The following SYTL3 variants were observed in gnomAD, a reference collection of about 807,000 sequenced individuals.
The protein encoded by SYTL3 is synaptotagmin like 3.
Under a neutral mutation model 82.1 loss-of-function variants are expected in SYTL3, and 88 were observed. That is an observed-to-expected ratio of 1.07 (90% CI 0.90 to 1.28). The LOEUF is 1.28. Ranked by LOEUF, SYTL3 falls within the 50% of genes most tolerant of loss-of-function variation. The pLI is 0.00. For missense variants in SYTL3, 831 were observed against 757.6 expected (o/e 1.10, Z -1.14); for synonymous variants, 311 against 289.4 (o/e 1.07, Z -0.76).
chr6:158,652,666 C>A lies in SYTL3; in HGVS notation c.-637+824C>A, dbSNP rs535935461. Among the ~76,000 whole-genome samples, 5 of 152,164 alleles carry A rather than the reference C, an allele frequency of 3.3e-5. 1 individual carries two copies. The highest frequency in any genetic ancestry group is 2.0e-4 in the Admixed American group (3 of 15,268). On this transcript the variant is annotated intron_variant, in intron 2 of 17. Transcript: ENST00000611299. The stretch of plus-strand genomic sequence containing the variant: ...TTCAAACAATTCTGTCTCAGCTTCC[C>A]GAGTAGCTGGGATTACAGGTGCCCA...
rs1171587468 is a variant in SYTL3, at chr6:158,764,625, A to C, written c.*21A>C. ...ACTGACATGAAGGCCTCAAGGTTCC[A>C]GGTTGCAGCAGGCGTGAGGCACTGT... On this transcript the variant is annotated 3_prime_UTR_variant, in exon 18 of 18. Coordinates refer to ENST00000611299, the MANE Select transcript of SYTL3 (RefSeq NM_001242394.2). 11 of 1,569,696 alleles carry C rather than the reference A, an allele frequency of 7.0e-6. No individual in the cohort carries two copies. The highest frequency in any genetic ancestry group is 9.7e-6 in the Non-Finnish European group (11 of 1,139,618).
At chr6:158,737,217 C>G (rs964276759) in intron 11 of SYTL3, among the ~76,000 whole-genome samples, 1 of 152,048 alleles carries the variant, frequency 6.6e-6, no homozygotes, top group Non-Finnish European at 1.5e-5. Context: ...GAAATAGATC[C>G]CCATTTTACA....
At chr6:158,748,536 AACCTCC>A (rs1375263828) in intron 12 of SYTL3, among the ~76,000 whole-genome samples, 1 of 152,192 alleles carries the variant, frequency 6.6e-6, no homozygotes, top group Non-Finnish European at 1.5e-5. Context: ...GAATTATTTA[AACCTCC>A]ACCTTAAAAT....
In SYTL3 at chr6:158,691,793, G is replaced by A. The variant is rs375280240; in HGVS notation, c.394+8804G>A. ...CAGCCTCCTGAGTAGCTGGGACTAC[G>A]GGCACCTGTCACCACGCCTGGCTAA... On this transcript the variant is annotated intron_variant, in intron 6 of 17. Coordinates refer to ENST00000611299, the MANE Select transcript of SYTL3 (RefSeq NM_001242394.2). Among the ~76,000 whole-genome samples the A allele has an allele frequency of 1.5e-4, 22 of 150,458 alleles. No individual in the cohort carries two copies. The South Asian group carries it at 1.7e-3, about 12-fold the overall frequency.
At chr6:158,749,507 CTTTTTTTTTTT>C (rs765386344) in intron 12 of SYTL3, among the ~76,000 whole-genome samples, 5 of 66,024 alleles carry the variant, frequency 7.6e-5, no homozygotes, top group East Asian at 6.9e-4. Flanking sequence ...TTCTTTCTCT[CTTTTTTTTTTT>C]TTTTTTTTTT....
intron 11 of SYTL3, among the ~76,000 whole-genome samples, chr6:158,736,072 G>A (rs1786109723): frequency 6.6e-6 from 1 of 152,200 alleles, no homozygotes; most frequent in South Asian, 2.1e-4. Context: ...GTCAACAACG[G>A]CCGGGCGCGG....
chr6:158,761,099 T>G (rs960456230), intron 15 of SYTL3, among the ~76,000 whole-genome samples: 1 of 152,044 alleles, frequency 6.6e-6, no homozygotes, highest in East Asian at 1.9e-4. Context: ...CCAAGAGCAC[T>G]GGTACCTGCA....
At chr6:158,757,602 G>GC (rs5881285) in intron 14 of SYTL3, among the ~76,000 whole-genome samples, 57,286 of 151,980 alleles carry the variant, frequency 0.38, 11,613 homozygotes, top group East Asian at 0.79. Context: ...TACCCGAACA[G>GC]CCCCCGCCTC....
chr6:158,664,617 A>T (rs1437341738), intron 4 of SYTL3, among the ~76,000 whole-genome samples: 1 of 152,236 alleles, frequency 6.6e-6, no homozygotes, highest in Non-Finnish European at 1.5e-5. Flanking sequence ...ATGATGAAAG[A>T]TCTTTCAGTG....
intron 12 of SYTL3, among the ~76,000 whole-genome samples, chr6:158,747,312 A>G (rs1323669264): frequency 1.3e-5 from 2 of 152,152 alleles, no homozygotes; most frequent in African/African-American, 2.4e-5. Flanking sequence ...TGAGTTTTCT[A>G]TTCATATCTT....
intron 6 of SYTL3, among the ~76,000 whole-genome samples, chr6:158,684,554 AGC>A (rs1427545195): frequency 6.6e-6 from 1 of 152,156 alleles, no homozygotes; most frequent in Non-Finnish European, 1.5e-5. Context: ...GGATGCGGGC[AGC>A]ACCCCTCCTC....
chr6:158,740,582 G>T (rs924677403), intron 11 of SYTL3, among the ~76,000 whole-genome samples: 2 of 152,050 alleles, frequency 1.3e-5, no homozygotes, highest in Non-Finnish European at 2.9e-5. Flanking sequence ...CTCAGGACTC[G>T]CCTGGTTTTG....
chr6:158,730,151 C>T (rs186440188), intron 11 of SYTL3, among the ~76,000 whole-genome samples: 101 of 152,346 alleles, frequency 6.6e-4, no homozygotes, highest in Non-Finnish European at 1.3e-3. Context: ...CTTTTGCAAG[C>T]AACTTCCTCT....
Position 158,764,735 on chromosome 6 carries a change from T to A in SYTL3, c.*131T>A. On this transcript the variant is annotated 3_prime_UTR_variant, in exon 18 of 18. Coordinates refer to ENST00000611299, the MANE Select transcript of SYTL3 (RefSeq NM_001242394.2). ...TGAGCAGTCTCCATCTGCGGCCCTG[T>A]CCCATGGCTTAACCGCCTATTGGTA... 1.6e-6 allele frequency: 1 copy of A among 631,064 alleles called. No individual in the cohort carries two copies. Among genetic ancestry groups the A allele is most frequent in the Non-Finnish European group, 2.9e-6 (1 of 350,158 alleles). The allele number at this position is 631,064 out of a possible 1,614,324, so 39.1% of individuals were successfully genotyped here.
chr6:158,760,585 G>A (rs1277547581), intron 14 of SYTL3, 55 bp from the exon 15 acceptor site: 11 of 1,489,990 alleles, frequency 7.4e-6, no homozygotes, highest in Non-Finnish European at 1.0e-5. Flanking sequence ...GAGGAACCCA[G>A]AAGGTTCTTG....
chr6:158,673,541 G>A (rs1452036949), intron 5 of SYTL3, among the ~76,000 whole-genome samples: 3 of 150,356 alleles, frequency 2.0e-5, no homozygotes, highest in Admixed American at 6.7e-5. Context: ...CCAGGTTCAC[G>A]CCATTCTCCT....
chr6:158,710,551 A>G (rs1052173940), intron 8 of SYTL3, among the ~76,000 whole-genome samples: 7 of 152,168 alleles, frequency 4.6e-5, no homozygotes, highest in Non-Finnish European at 8.8e-5. Flanking sequence ...TTAAAACTCT[A>G]AAAGTGTCTG....
intron 6 of SYTL3, among the ~76,000 whole-genome samples, chr6:158,704,284 C>G (rs980728416): frequency 4.6e-5 from 7 of 152,210 alleles, no homozygotes; most frequent in African/African-American, 1.4e-4. Context: ...GCAGCTGTGA[C>G]GGGCCCCTCC....
At position 158,708,391 on chromosome 6, in the gene SYTL3, G is replaced by T; in HGVS notation, c.516G>T (p.Arg172Ser). 1 of 1,613,948 alleles carries T rather than the reference G, an allele frequency of 6.2e-7. No homozygotes were observed. Among genetic ancestry groups the T allele is most frequent in the Non-Finnish European group, 8.5e-7 (1 of 1,179,842 alleles). The stretch of plus-strand genomic sequence containing the variant: ...GCCAGTGCAGCCGCAGTCCTGGCAG[G>T]GTAACGTATCCATTCTGGGCACTTC... ...SESQCSRSPG[R>S]LQEFGQFRGF... The change falls in exon 8 of 18, where the codon AGG becomes AGT. Residue 172 changes from arginine to serine, a missense_variant and splice_region_variant. Arg to Ser is a moderately radical substitution (Grantham distance 110). Coordinates refer to ENST00000611299, the MANE Select transcript of SYTL3 (RefSeq NM_001242394.2).
Sources: gnomAD v4.1 joint callset for allele counts (sites outside exome capture counted in the v4.1 genomes callset) on GRCh38, gnomAD v4.1.1 for gene constraint, MANE v1.5 for transcripts, NCBI Gene and HGNC (gene_info 2026-07-23, HGNC 2026-07-21) for gene names.